Variants in CYSLTR2 observed in about 807,000 individuals in gnomAD.
CYSLTR2 encodes G-protein coupled receptor GPCR21.
For synonymous variants in CYSLTR2, 179 were observed against 160.8 expected (o/e 1.11, Z -0.86); for missense variants, 398 against 411.9 (o/e 0.97, Z 0.29).
intron 1 of CYSLTR2, among the ~76,000 whole-genome samples, chr13:48,669,453 G>T (rs922879562): frequency 6.6e-6 from 1 of 151,754 alleles, no homozygotes; most frequent in Non-Finnish European, 1.5e-5. Context: ...AAAGGCCCCA[G>T]TGTGTGATGT....
At chr13:48,699,775 G>A (rs1306342226) in intron 4 of CYSLTR2, among the ~76,000 whole-genome samples, 1 of 151,930 alleles carries the variant, frequency 6.6e-6, no homozygotes, top group African/African-American at 2.4e-5. Flanking sequence ...CTGCTAGCAA[G>A]ACTAATAAAG....
In CYSLTR2 at chr13:48,709,803, G is replaced by T. The variant is rs1237154763; in HGVS notation, c.*1945G>T. On this transcript the variant is annotated 3_prime_UTR_variant, in exon 5 of 5. Coordinates refer to ENST00000682523, the MANE Select transcript of CYSLTR2 (RefSeq NM_001308476.3). ...GCTGGGAAACAAGGAATCCAACGCA[G>T]GAGAAAGTGAAGAGAATTCCCAGGA... is the stretch of plus-strand genomic sequence containing the variant. 2.6e-5 allele frequency: 4 copies of T among 152,322 alleles called. No individual in the cohort carries two copies. The East Asian group carries it at 7.7e-4, about 29-fold the overall frequency. The allele number at this position is 152,322 out of a possible 1,614,324, so 9.4% of individuals were successfully genotyped here.
chr13:48,671,500 T>A (rs375548677), intron 1 of CYSLTR2, among the ~76,000 whole-genome samples: 5 of 152,378 alleles, frequency 3.3e-5, no homozygotes, highest in Non-Finnish European at 4.4e-5. Flanking sequence ...GTGTTGAATT[T>A]TATCAAAGGC....
chr13:48,693,250 G>T (rs1045389190), intron 2 of CYSLTR2, among the ~76,000 whole-genome samples, 188 bp from the exon 3 acceptor site: 3 of 151,808 alleles, frequency 2.0e-5, no homozygotes, highest in Non-Finnish European at 4.4e-5. Flanking sequence ...AAAAGATTGG[G>T]CTGTCACTAG....
chr13:48,703,466 T>C (rs1954402889), intron 4 of CYSLTR2, among the ~76,000 whole-genome samples: 1 of 152,326 alleles, frequency 6.6e-6, no homozygotes, highest in South Asian at 2.1e-4. Flanking sequence ...TTGTATATGC[T>C]CTTTATCAAG....
rs1331471166 is a variant in CYSLTR2 at position 48,707,229 on chromosome 13, C to G, written c.412C>G (p.Leu138Val). Residue 138 changes from leucine to valine, a missense_variant, in exon 5 of 5, where the codon CTG becomes GTG. By Grantham distance (32) the Leu-to-Val change is conservative. Transcript: ENST00000682523. The part of the protein sequence containing the change: ...FLTVLSVVRF[L>V]AMVHPFRLLH... Reference sequence around the variant, plus strand: ...GACCGTGCTGAGTGTTGTGCGTTTCCTGGCAATGGTTCACCCCTTTCGGCT... The same window carrying G: ...GACCGTGCTGAGTGTTGTGCGTTTCGTGGCAATGGTTCACCCCTTTCGGCT... 2 of 1,614,098 alleles carry G rather than the reference C, an allele frequency of 1.2e-6. No individual in the cohort carries two copies. Among genetic ancestry groups the G allele is most frequent in the Admixed American group, 1.7e-5 (1 of 60,032 alleles).
chr13:48,661,734 A>G (rs1194985493), intron 1 of CYSLTR2, among the ~76,000 whole-genome samples: 1 of 152,238 alleles, frequency 6.6e-6, no homozygotes, highest in African/African-American at 2.4e-5. Context: ...TCAAATTGAC[A>G]AATAATAATT....
At chr13:48,668,471 A>C (rs775481197) in intron 1 of CYSLTR2, among the ~76,000 whole-genome samples, 11 of 152,286 alleles carry the variant, frequency 7.2e-5, no homozygotes, top group Middle Eastern at 6.8e-3. Flanking sequence ...CTTGAAGAAC[A>C]GTAAAATAAT....
chr13:48,695,407 T>TTCTC (rs1472487050), intron 3 of CYSLTR2, among the ~76,000 whole-genome samples: 3 of 98,306 alleles, frequency 3.1e-5, no homozygotes, highest in Non-Finnish European at 2.0e-5. Flanking sequence ...CTCTCTCTCT[T>TTCTC]TCTCTCTCTC....
chr13:48,700,033 T>C (rs764160848), intron 4 of CYSLTR2, among the ~76,000 whole-genome samples: 24 of 152,146 alleles, frequency 1.6e-4, no homozygotes, highest in Non-Finnish European at 3.4e-4. Flanking sequence ...ATTAATATCC[T>C]ACCAACCAAA....
intron 4 of CYSLTR2, among the ~76,000 whole-genome samples, chr13:48,696,851 T>TGGCTCGGAGGGTCCCACGCCC (rs563139342): frequency 6.6e-6 from 1 of 152,120 alleles, no homozygotes; most frequent in African/African-American, 2.4e-5. Flanking sequence ...ATCCCGCACA[T>TGGCTCGGAGGGTCCCACGCCC]GGCTCGGAGG....
In CYSLTR2 at chr13:48,707,092, C is replaced by G. The variant is rs773666592; in HGVS notation, c.275C>G (p.Pro92Arg). Residue 92 changes from proline to arginine, a missense_variant, in exon 5 of 5, where the codon CCC becomes CGC. By Grantham distance (103) the Pro-to-Arg change is moderately radical (BLOSUM62 -2). Transcript: ENST00000682523. Reference protein sequence around the residue: ...ISDLLFISTLPFRADYYLRGS... With the variant: ...ISDLLFISTLRFRADYYLRGS... ...GATCTCCTGTTCATAAGCACGCTTC[C>G]CTTCAGGGCTGACTATTATCTTAGA... 33 of 1,614,094 alleles carry G rather than the reference C, an allele frequency of 2.0e-5. No individual in the cohort carries two copies. Among genetic ancestry groups the G allele is most frequent in the African/African-American group, 4.0e-5 (3 of 74,926 alleles).
intron 1 of CYSLTR2, among the ~76,000 whole-genome samples, chr13:48,667,639 T>C (rs1194478740): frequency 6.6e-6 from 1 of 152,150 alleles, no homozygotes; most frequent in Non-Finnish European, 1.5e-5. Flanking sequence ...GGGCATGACC[T>C]ATGGGGATGT....
intron 2 of CYSLTR2, among the ~76,000 whole-genome samples, chr13:48,693,154 A>G (rs1317312269): frequency 6.6e-6 from 1 of 151,842 alleles, no homozygotes; most frequent in Non-Finnish European, 1.5e-5. Flanking sequence ...AAGTTATAGA[A>G]CTAGTGGAAT....
At chr13:48,698,935 A>G (rs1954267809) in intron 4 of CYSLTR2, among the ~76,000 whole-genome samples, 1 of 152,248 alleles carries the variant, frequency 6.6e-6, no homozygotes, top group African/African-American at 2.4e-5. Context: ...AGGCTGCTAC[A>G]TAATGGTAAA....
intron 1 of CYSLTR2, among the ~76,000 whole-genome samples, chr13:48,677,986 C>G (rs1228497878): frequency 6.6e-6 from 1 of 151,860 alleles, no homozygotes; most frequent in African/African-American, 2.4e-5. Flanking sequence ...CTTCTCGTGC[C>G]TCAGCCTCCT....
rs140169780 is a variant in CYSLTR2 at position 48,706,276 on chromosome 13, G to A, written c.-1-541G>A. The stretch of plus-strand genomic sequence containing the variant: ...TTCCCAAACTGCTGGGATTACGGGC[G>A]TGAGCCACCAAACCCAGCCTAGTCA... On this transcript the variant is annotated intron_variant, in intron 4 of 4. Transcript: ENST00000682523. 8.6e-4 allele frequency among the ~76,000 whole-genome samples: 131 copies of A among 152,280 alleles called. 1 individual carries two copies. Among genetic ancestry groups the A allele is most frequent in the African/African-American group, 3.1e-3 (127 of 41,558 alleles).
intron 4 of CYSLTR2, among the ~76,000 whole-genome samples, chr13:48,703,154 T>G (rs1365238686): frequency 6.6e-6 from 1 of 152,140 alleles, no homozygotes; most frequent in East Asian, 1.9e-4. Flanking sequence ...TTTGTTAAAT[T>G]CACTTATTAG....
intron 1 of CYSLTR2, among the ~76,000 whole-genome samples, chr13:48,679,805 G>A (rs1953700858): frequency 6.6e-6 from 1 of 152,182 alleles, no homozygotes; most frequent in Non-Finnish European, 1.5e-5. Flanking sequence ...GTTTGGCCAA[G>A]ACAGATGGCT....
Sources: gnomAD v4.1 joint callset for allele counts (sites outside exome capture counted in the v4.1 genomes callset) on GRCh38, gnomAD v4.1.1 for gene constraint, MANE v1.5 for transcripts, NCBI Gene and HGNC (gene_info 2026-07-23, HGNC 2026-07-21) for gene names.